The following CCSER1 variants were observed in gnomAD, a reference collection of about 807,000 sequenced individuals.
The protein encoded by CCSER1 is serine-rich coiled-coil domain-containing protein 1.
In CCSER1, 41 loss-of-function variants were observed where a neutral mutation model predicts 82.0. That is an observed-to-expected ratio of 0.50 (90% CI 0.39 to 0.65). The LOEUF (loss-of-function observed/expected upper bound fraction) is 0.65. Ranked by LOEUF, CCSER1 falls within the 30% of genes least tolerant of loss-of-function variation. The pLI, the probability that CCSER1 is intolerant of heterozygous loss-of-function variation, is 0.00. For synonymous variants in CCSER1, 414 were observed against 383.9 expected (o/e 1.08, Z -0.92); for missense variants, 1,119 against 1,064.2 (o/e 1.05, Z -0.72).
chr4:91,226,535 A>G (rs1340287204), intron 10 of CCSER1, among the ~76,000 whole-genome samples: 2 of 151,904 alleles, frequency 1.3e-5, no homozygotes, highest in Non-Finnish European at 1.5e-5. Context: ...TGTGAAGTGA[A>G]TGGATAAATC....
chr4:91,126,083 T>C (rs937688476), intron 10 of CCSER1, among the ~76,000 whole-genome samples: 4 of 151,710 alleles, frequency 2.6e-5, no homozygotes, highest in African/African-American at 7.2e-5. Context: ...ATGAGACTTA[T>C]GTATATATTT....
intron 8 of CCSER1, among the ~76,000 whole-genome samples, chr4:90,870,530 A>G (rs1766338350): frequency 1.3e-5 from 2 of 151,704 alleles, no homozygotes; most frequent in African/African-American, 2.4e-5. Context: ...CATCCTGGAG[A>G]TAAACCCACT....
At chr4:90,556,953 A>C (rs1778214151) in intron 5 of CCSER1, among the ~76,000 whole-genome samples, 1 of 151,876 alleles carries the variant, frequency 6.6e-6, no homozygotes. Context: ...AACATAAATA[A>C]AAATAGATAC....
chr4:91,589,925 C>T (rs1272832011), intron 10 of CCSER1, among the ~76,000 whole-genome samples: 2 of 151,996 alleles, frequency 1.3e-5, no homozygotes, highest in Admixed American at 6.6e-5. Context: ...CTCTCTCACA[C>T]ATACATTAGT....
At chr4:90,852,399 G>A (rs527464954) in intron 8 of CCSER1, among the ~76,000 whole-genome samples, 10 of 152,284 alleles carry the variant, frequency 6.6e-5, no homozygotes, top group African/African-American at 9.6e-5. Flanking sequence ...ACTCTTCTAC[G>A]AGACTACTTA....
chr4:90,506,152 A>T (rs936769216), intron 5 of CCSER1, among the ~76,000 whole-genome samples: 1 of 152,174 alleles, frequency 6.6e-6, no homozygotes, highest in Admixed American at 6.5e-5. Flanking sequence ...AGTTTTAAAT[A>T]TTCTAGTCCT....
chr4:91,236,225 C>T (rs62311976), intron 10 of CCSER1, among the ~76,000 whole-genome samples: 5,675 of 152,226 alleles, frequency 0.037, 179 homozygotes, highest in African/African-American at 0.08. Context: ...CAGTGGCTCA[C>T]GCCTGTAATC....
chr4:90,148,056 T>C (rs1210559596), intron 1 of CCSER1, among the ~76,000 whole-genome samples: 3 of 152,122 alleles, frequency 2.0e-5, no homozygotes, highest in African/African-American at 7.2e-5. Flanking sequence ...TCCCAGCTAC[T>C]TGGGATGCTG....
At chr4:91,425,909 C>G (rs1020600325) in intron 10 of CCSER1, among the ~76,000 whole-genome samples, 2 of 152,116 alleles carry the variant, frequency 1.3e-5, no homozygotes, top group African/African-American at 2.4e-5. Context: ...TAAAATTATA[C>G]TTTAAGACTG....
chr4:90,625,037 A>T (rs943685386), intron 5 of CCSER1, among the ~76,000 whole-genome samples: 1 of 152,188 alleles, frequency 6.6e-6, no homozygotes, highest in Admixed American at 6.5e-5. Flanking sequence ...ATCTTTGGTG[A>T]TATAAAGCAC....
chr4:91,227,634 G>A (rs545646372), intron 10 of CCSER1, among the ~76,000 whole-genome samples: 3 of 151,382 alleles, frequency 2.0e-5, no homozygotes, highest in Admixed American at 6.6e-5. Context: ...ATTGAACATA[G>A]TATACAATAA....
chr4:90,446,587 G>A (rs1157106170), intron 4 of CCSER1, among the ~76,000 whole-genome samples: 2 of 152,064 alleles, frequency 1.3e-5, no homozygotes, highest in Non-Finnish European at 2.9e-5. Context: ...AGAAGAGATG[G>A]AATGTGACTT....
At position 90,813,344 on chromosome 4, in the gene CCSER1, C is replaced by T. The variant is rs761019101; in HGVS notation, c.2011-2418C>T. On this transcript the variant is annotated intron_variant, in intron 7 of 10. Transcript: ENST00000509176. ...TCTGTGTCTTACATCCAGGGAATGC[C>T]GATGCAAGGGATGGACTCCCATGGC... is the stretch of plus-strand genomic sequence containing the variant. 6.6e-5 allele frequency among the ~76,000 whole-genome samples: 10 copies of T among 152,194 alleles called. 1 individual carries two copies. Among genetic ancestry groups the T allele is most frequent in the Admixed American group, 1.3e-4 (2 of 15,282 alleles).
At chr4:90,266,207 A>G (rs750242676) in intron 1 of CCSER1, among the ~76,000 whole-genome samples, 1 of 152,176 alleles carries the variant, frequency 6.6e-6, no homozygotes, top group Non-Finnish European at 1.5e-5. Context: ...GAAAGTATTG[A>G]GATAGATTTT....
intron 10 of CCSER1, among the ~76,000 whole-genome samples, chr4:91,388,201 A>C (rs1044048567): frequency 2.0e-5 from 3 of 152,054 alleles, no homozygotes; most frequent in Non-Finnish European, 2.9e-5. Context: ...CATTTTGAAC[A>C]TTGGTATTTA....
Position 91,060,524 on chromosome 4 carries a change from T to G in CCSER1, c.2173-25426T>G, listed in dbSNP as rs1743868498. On this transcript the variant is annotated intron_variant, in intron 9 of 10. Coordinates refer to ENST00000509176, the MANE Select transcript of CCSER1 (RefSeq NM_001145065.2). Reference sequence around the variant, plus strand: ...GAATTATGTGTCCACTGGGAAATTCTCTGAAGCAAGTTCTTTCAAAATGTC... The same window carrying G: ...GAATTATGTGTCCACTGGGAAATTCGCTGAAGCAAGTTCTTTCAAAATGTC... 5.3e-5 allele frequency among the ~76,000 whole-genome samples: 8 copies of G among 152,196 alleles called. No individual in the cohort carries two copies. In the South Asian group the frequency reaches 1.7e-3, roughly 31 times the overall value.
intron 1 of CCSER1, among the ~76,000 whole-genome samples, chr4:90,262,295 T>A (rs914269919): frequency 2.6e-5 from 4 of 152,200 alleles, no homozygotes; most frequent in African/African-American, 9.6e-5. Context: ...GTTTATAGTT[T>A]ATTATAGCCT....
intron 10 of CCSER1, among the ~76,000 whole-genome samples, chr4:91,203,050 C>A (rs151271587): frequency 0.016 from 2,424 of 151,932 alleles, 57 homozygotes; most frequent in African/African-American, 0.054. Flanking sequence ...AGTCACTGTC[C>A]GTAGACCAAG....
At chr4:91,105,982 A>T (rs544984130) in intron 10 of CCSER1, among the ~76,000 whole-genome samples, 21 of 152,290 alleles carry the variant, frequency 1.4e-4, no homozygotes, top group Non-Finnish European at 1.9e-4. Context: ...GGATATTTTT[A>T]AAATGTGGTA....
Sources: allele counts gnomAD v4.1 joint callset (sites outside exome capture counted in the v4.1 genomes callset), GRCh38; gene constraint gnomAD v4.1.1; transcripts MANE v1.5; gene names NCBI Gene and HGNC (gene_info 2026-07-23, HGNC 2026-07-21).